Variants in CNTNAP2 observed in about 807,000 individuals in gnomAD.
CNTNAP2 encodes contactin associated protein 2.
A neutral mutation model predicts 155.2 loss-of-function variants in CNTNAP2; 98 were observed. The ratio of observed to expected loss-of-function variants is 0.63; its 90% CI spans 0.54 to 0.75. The LOEUF (loss-of-function observed/expected upper bound fraction) is 0.75. Among genes scored for constraint, CNTNAP2 ranks in the 30% least tolerant of loss-of-function variants. CNTNAP2 has a pLI of 0.00. For missense variants in CNTNAP2, 1,727 were observed against 1,688.1 expected, an observed-to-expected ratio of 1.02 and a Z score of -0.40; for synonymous variants, 651 against 631.2, an observed-to-expected ratio of 1.03 and a Z score of -0.47.
chr7:147,229,314 CT>C, intron 8 of CNTNAP2, among the ~76,000 whole-genome samples: 1 of 152,280 alleles, frequency 6.6e-6, no homozygotes, highest in Middle Eastern at 3.4e-3. Context: ...CTTAGTCAAT[CT>C]TTTAACTCAA....
At chr7:147,004,910 T>A (rs1798498386) in intron 3 of CNTNAP2, among the ~76,000 whole-genome samples, 1 of 151,976 alleles carries the variant, frequency 6.6e-6, no homozygotes, top group East Asian at 1.9e-4. Context: ...AAAAACAAAT[T>A]GTTGAGAGCA....
chr7:147,056,045 G>T (rs890745758), intron 4 of CNTNAP2, among the ~76,000 whole-genome samples: 6 of 152,106 alleles, frequency 3.9e-5, no homozygotes, highest in African/African-American at 1.4e-4. Flanking sequence ...TTTGCTTTGT[G>T]TAAATTTGAT....
At chr7:147,677,196 C>T (rs1458797874) in intron 13 of CNTNAP2, among the ~76,000 whole-genome samples, 2 of 151,626 alleles carry the variant, frequency 1.3e-5, no homozygotes, top group Non-Finnish European at 3.0e-5. Flanking sequence ...GTCTTTTTGA[C>T]GTTCTGAGAA....
intron 8 of CNTNAP2, among the ~76,000 whole-genome samples, chr7:147,246,975 C>T (rs1804083083): frequency 6.6e-6 from 1 of 152,192 alleles, no homozygotes; most frequent in Non-Finnish European, 1.5e-5. Context: ...GACTCAATCA[C>T]TGAACAGAGT....
intron 1 of CNTNAP2, among the ~76,000 whole-genome samples, chr7:146,166,372 C>T (rs755453089): frequency 3.2e-4 from 49 of 152,192 alleles, no homozygotes; most frequent in Admixed American, 9.2e-4. Flanking sequence ...GGATTACAGG[C>T]GTGAGCCACC....
intron 21 of CNTNAP2, chr7:148,381,627 A>T (rs1585323009): frequency 6.6e-6 from 1 of 152,222 alleles, no homozygotes; most frequent in African/African-American, 2.4e-5. Context: ...ACAGGATGTC[A>T]GGGGGCAGGC....
intron 14 of CNTNAP2, among the ~76,000 whole-genome samples, chr7:147,962,027 A>T (rs1453503833): frequency 1.4e-5 from 2 of 146,986 alleles, no homozygotes; most frequent in Non-Finnish European, 3.1e-5. Context: ...GATGGGGAAT[A>T]GAGTATTAAT....
At chr7:148,053,852 G>A (rs1802953700) in intron 15 of CNTNAP2, among the ~76,000 whole-genome samples, 1 of 152,004 alleles carries the variant, frequency 6.6e-6, no homozygotes. Flanking sequence ...AAATACTTAG[G>A]TATTGAGAGT....
intron 1 of CNTNAP2, among the ~76,000 whole-genome samples, chr7:146,520,616 G>A (rs981328854): frequency 6.6e-6 from 1 of 151,548 alleles, no homozygotes; most frequent in African/African-American, 2.4e-5. Flanking sequence ...TGGAGGAAAT[G>A]GCCTTTTAAT....
At chr7:147,300,034 C>T (rs1794912987) in intron 8 of CNTNAP2, 107 bp from the exon 9 acceptor site, 1 of 1,255,842 alleles carries the variant, frequency 8.0e-7, no homozygotes, top group South Asian at 1.3e-5. Flanking sequence ...CTGTATTTTC[C>T]AAGAGAAAAA....
chr7:147,139,768 C>T (rs1472063003), intron 8 of CNTNAP2, among the ~76,000 whole-genome samples: 2 of 152,062 alleles, frequency 1.3e-5, no homozygotes, highest in Admixed American at 1.3e-4. Flanking sequence ...AGAATGACTC[C>T]TTTGGAAACT....
chr7:148,088,414 T>C (rs79896144), intron 15 of CNTNAP2, among the ~76,000 whole-genome samples: 4,260 of 150,308 alleles, frequency 0.028, 81 homozygotes, highest in Non-Finnish European at 0.04. Context: ...ACAAAATCAA[T>C]AAAATTTTGG....
At chr7:147,573,976 G>A (rs969653340) in intron 12 of CNTNAP2, among the ~76,000 whole-genome samples, 6 of 152,048 alleles carry the variant, frequency 3.9e-5, no homozygotes, top group African/African-American at 1.2e-4. Flanking sequence ...TCAAAACAAC[G>A]TGACTTGGAA....
intron 1 of CNTNAP2, among the ~76,000 whole-genome samples, chr7:146,169,676 A>ATTT (rs397714809): frequency 6.8e-5 from 10 of 148,006 alleles, no homozygotes; most frequent in South Asian, 2.2e-4. Flanking sequence ...CTGTGATATG[A>ATTT]TTTTTTTTTT....
intron 15 of CNTNAP2, among the ~76,000 whole-genome samples, chr7:148,062,922 A>G (rs1054453928): frequency 4.6e-5 from 7 of 152,142 alleles, no homozygotes; most frequent in African/African-American, 1.4e-4. Context: ...AAAAAGGAGA[A>G]CACCACAAAT....
intron 20 of CNTNAP2, among the ~76,000 whole-genome samples, chr7:148,235,194 A>T (rs1246752614): frequency 1.3e-5 from 2 of 152,224 alleles, no homozygotes; most frequent in African/African-American, 4.8e-5. Context: ...CTTACCTGCT[A>T]CTAATCTGAA....
intron 21 of CNTNAP2, among the ~76,000 whole-genome samples, chr7:148,267,966 G>T (rs1304184020): frequency 6.6e-6 from 1 of 152,180 alleles, no homozygotes; most frequent in Non-Finnish European, 1.5e-5. Flanking sequence ...GAATTTGACA[G>T]TGTGACAGAA....
chr7:148,365,745 T>C lies in CNTNAP2; in HGVS notation c.3476-17904T>C, dbSNP rs1374429363. Among the ~76,000 whole-genome samples the C allele has an allele frequency of 1.7e-4, 19 of 113,770 alleles. 5 individuals are homozygous for C. Among genetic ancestry groups the C allele is most frequent in the Non-Finnish European group, 2.4e-4 (12 of 50,206 alleles). 74.6% of individuals were successfully genotyped at this position (113,770 alleles called of 152,430 possible). ...ACGTGTATATATGTATGTGTATACA[T>C]GTATACATGTATGTGTATACGTGTA... On this transcript the variant is annotated intron_variant, in intron 21 of 23. Coordinates refer to ENST00000361727, the MANE Select transcript of CNTNAP2 (RefSeq NM_014141.6).
At chr7:147,883,701 C>T (rs749519433) in intron 13 of CNTNAP2, among the ~76,000 whole-genome samples, 1 of 151,918 alleles carries the variant, frequency 6.6e-6, no homozygotes. Flanking sequence ...AAAAATACAC[C>T]GAAACACCAG....
Sources: allele counts gnomAD v4.1 joint callset (sites outside exome capture counted in the v4.1 genomes callset), GRCh38; gene constraint gnomAD v4.1.1; transcripts MANE v1.5; gene names NCBI Gene and HGNC (gene_info 2026-07-23, HGNC 2026-07-21).